Variants in PHAX observed in about 807,000 individuals in gnomAD.
PHAX encodes phosphorylated adapter RNA export protein.
In PHAX, 31 loss-of-function variants were observed where a neutral mutation model predicts 41.6. The ratio of observed to expected loss-of-function variants is 0.75; its 90% CI spans 0.56 to 1.01. The LOEUF (loss-of-function observed/expected upper bound fraction) is 1.01, where lower values mean the gene tolerates loss of function less well. Among genes scored for constraint, PHAX ranks in the 50% least tolerant of loss-of-function variants. The pLI, the probability that PHAX is intolerant of heterozygous loss-of-function variation, is 0.00. For synonymous variants in PHAX, 175 were observed against 164.9 expected, an observed-to-expected ratio of 1.06 and a Z score of -0.47; for missense variants, 453 against 472.9, an observed-to-expected ratio of 0.96 and a Z score of 0.39.
At chr5:126,616,394 C>T (rs1482333458) in intron 3 of PHAX, among the ~76,000 whole-genome samples, 1 of 152,146 alleles carries the variant, frequency 6.6e-6, no homozygotes, top group East Asian at 1.9e-4. Flanking sequence ...TGCGCCCAGC[C>T]TCAAATGCCA....
chr5:126,610,964 C>T (rs1044558194), intron 3 of PHAX, among the ~76,000 whole-genome samples: 4 of 152,000 alleles, frequency 2.6e-5, no homozygotes, highest in Admixed American at 1.3e-4. Flanking sequence ...ACCTCGGTCT[C>T]CCAAAGTACT....
At chr5:126,622,716 A>C (rs1336289205) in intron 4 of PHAX, among the ~76,000 whole-genome samples, 1 of 152,190 alleles carries the variant, frequency 6.6e-6, no homozygotes, top group African/African-American at 2.4e-5. Flanking sequence ...ATATGCTTCC[A>C]TATAAAATGA....
intron 4 of PHAX, among the ~76,000 whole-genome samples, chr5:126,618,971 C>T (rs1002045113): frequency 6.6e-6 from 1 of 152,154 alleles, no homozygotes; most frequent in Non-Finnish European, 1.5e-5. Flanking sequence ...CAAAGTCTTA[C>T]TCTGTTGCCC....
At chr5:126,615,237 G>C (rs1752166043) in intron 3 of PHAX, among the ~76,000 whole-genome samples, 1 of 151,900 alleles carries the variant, frequency 6.6e-6, no homozygotes, top group African/African-American at 2.4e-5. Flanking sequence ...ATGTGTATAT[G>C]ACATACATGC....
At chr5:126,615,428 T>C (rs541293144) in intron 3 of PHAX, among the ~76,000 whole-genome samples, 80 of 152,094 alleles carry the variant, frequency 5.3e-4, no homozygotes, top group Middle Eastern at 3.2e-3. Flanking sequence ...CAGGGCAACA[T>C]TGCTTTGTTT....
At chr5:126,614,117 T>A (rs1380857480) in intron 3 of PHAX, among the ~76,000 whole-genome samples, 3 of 152,082 alleles carry the variant, frequency 2.0e-5, no homozygotes, top group African/African-American at 7.2e-5. Context: ...TAACATATAT[T>A]TGAGACAGTC....
rs61747689 is a variant in PHAX at position 126,603,964 on chromosome 5, C to A, written c.491C>A (p.Ser164Tyr). ...CTTGCCAAGAAACTTAGGAAGGAAT[C>A]TCAAGAGCATACAAAAGATCTAGAC... ...YLLAKKLRKE[S>Y]QEHTKDLDKE... Residue 164 changes from serine to tyrosine, a missense_variant, in exon 2 of 5, where the codon TCT becomes TAT. Transcript: ENST00000297540. The A allele has an allele frequency of 9.6e-4, 1,547 of 1,613,890 alleles. 14 individuals carry two copies. In the African/African-American group the frequency reaches 0.019, roughly 19 times the overall value.
At chr5:126,604,274 CT>C (rs57270218) in intron 2 of PHAX, 91 bp downstream of exon 2, 87,713 of 639,158 alleles carry the variant, frequency 0.14, 13 homozygotes, top group Non-Finnish European at 0.15. Context: ...TGATATGTTC[CT>C]TTTTTTTTTT....
intron 3 of PHAX, among the ~76,000 whole-genome samples, chr5:126,612,088 C>T (rs536703473): frequency 4.0e-4 from 61 of 152,000 alleles, no homozygotes; most frequent in African/African-American, 1.4e-3. Context: ...CTTAAAAACT[C>T]AATAATCAAA....
chr5:126,613,205 C>T (rs780986316), intron 3 of PHAX, among the ~76,000 whole-genome samples: 32 of 152,078 alleles, frequency 2.1e-4, no homozygotes, highest in South Asian at 4.1e-4. Context: ...AAAAATTAGC[C>T]GGGTGTGGTG....
chr5:126,602,800 C>G (rs532503800), intron 1 of PHAX, among the ~76,000 whole-genome samples: 71 of 152,060 alleles, frequency 4.7e-4, no homozygotes, highest in Middle Eastern at 3.4e-3. Context: ...GTCAGGAGAT[C>G]GAGACCATCC....
chr5:126,620,716 A>G (rs1752255564), intron 4 of PHAX, among the ~76,000 whole-genome samples: 1 of 152,092 alleles, frequency 6.6e-6, no homozygotes, highest in African/African-American at 2.4e-5. Context: ...TAATAGGGAA[A>G]TGTTGACTTA....
chr5:126,612,615 C>T (rs1752120046), intron 3 of PHAX, among the ~76,000 whole-genome samples: 2 of 151,948 alleles, frequency 1.3e-5, no homozygotes, highest in South Asian at 2.1e-4. Flanking sequence ...GCAGGAGAAT[C>T]GTTTGAACCC....
At chr5:126,619,783 T>G (rs1752240750) in intron 4 of PHAX, among the ~76,000 whole-genome samples, 1 of 152,228 alleles carries the variant, frequency 6.6e-6, no homozygotes, top group Non-Finnish European at 1.5e-5. Flanking sequence ...TATGGATTTT[T>G]CAAAACTTAA....
intron 3 of PHAX, among the ~76,000 whole-genome samples, chr5:126,612,859 A>G (rs2112833782): frequency 1.3e-5 from 2 of 152,306 alleles, no homozygotes; most frequent in Middle Eastern, 3.4e-3. Flanking sequence ...GTATATGTGG[A>G]AGATACGGCC....
At chr5:126,610,767 C>T (rs535136306) in intron 3 of PHAX, among the ~76,000 whole-genome samples, 2 of 152,060 alleles carry the variant, frequency 1.3e-5, no homozygotes, top group East Asian at 1.9e-4. Flanking sequence ...AGTACAGTGG[C>T]GCGATCTCAG....
At position 126,609,018 on chromosome 5, in the gene PHAX, A is replaced by G. The variant is rs138521091; in HGVS notation, c.831+534A>G. On this transcript the variant is annotated intron_variant, in intron 3 of 4. Transcript: ENST00000297540. Reference sequence around the variant, plus strand: ...TACTTCCCTGACAAAAAAACAAACAAACAAACATAAATTATAGCCTGTTGC... The same window carrying G: ...TACTTCCCTGACAAAAAAACAAACAGACAAACATAAATTATAGCCTGTTGC... Among the ~76,000 whole-genome samples, 705 of 152,070 alleles carry G rather than the reference A, an allele frequency of 4.6e-3. 3 individuals are homozygous for G. Among genetic ancestry groups the G allele is most frequent in the African/African-American group, 0.016 (681 of 41,450 alleles).
Position 126,603,728 on chromosome 5 carries a change from G to A in PHAX, c.255G>A (p.Gln85=). 6.2e-7 allele frequency: 1 copy of A among 1,614,178 alleles called. No homozygotes were observed. ...DDSCLWKRKR[Q]KCFNPPPKPE... is the part of the protein sequence containing the mutation. ...GCTGTCTTTGGAAACGCAAACGACA[G>A]AAATGTTTTAACCCTCCTCCCAAAC... is the stretch of plus-strand genomic sequence containing the variant. The change falls in exon 2 of 5, where the codon CAG becomes CAA. Residue 85 remains glutamine (Q), a synonymous_variant. Transcript: ENST00000297540.
intron 2 of PHAX, among the ~76,000 whole-genome samples, chr5:126,607,250 T>C (rs1027018179): frequency 6.6e-6 from 1 of 152,152 alleles, no homozygotes; most frequent in Non-Finnish European, 1.5e-5. Context: ...AGAGATGTTG[T>C]AAACCAAAAC....
Sources: gnomAD v4.1 joint callset for allele counts (sites outside exome capture counted in the v4.1 genomes callset) on GRCh38, gnomAD v4.1.1 for gene constraint, MANE v1.5 for transcripts, NCBI Gene and HGNC (gene_info 2026-07-23, HGNC 2026-07-21) for gene names.